Variants in RAPGEF5 observed in about 807,000 individuals in gnomAD.
RAPGEF5 encodes the protein M-Ras-regulated GEF.
In RAPGEF5, 65 loss-of-function variants were observed where a neutral mutation model predicts 125.2. The observed-to-expected ratio is 0.52, with a 90% CI of 0.43 to 0.64. The LOEUF (loss-of-function observed/expected upper bound fraction) is 0.64, where lower values mean the gene tolerates loss of function less well. Ranked by LOEUF, RAPGEF5 falls within the 30% of genes least tolerant of loss-of-function variation. The probability of loss-of-function intolerance (pLI) is 0.00; values close to 1 mark genes in which losing one functional copy is unlikely to be tolerated. For missense variants in RAPGEF5, 958 were observed against 1,048.1 expected (o/e 0.91, Z 1.19); for synonymous variants, 391 against 385.9 (o/e 1.01, Z -0.16).
intron 6 of RAPGEF5, among the ~76,000 whole-genome samples, chr7:22,286,467 C>T (rs188559415): frequency 6.6e-6 from 1 of 152,154 alleles, no homozygotes; most frequent in Non-Finnish European, 1.5e-5. Flanking sequence ...CTACAATTTC[C>T]AACATAAAAA....
At chr7:22,337,110 A>C (rs955220067) in intron 1 of RAPGEF5, among the ~76,000 whole-genome samples, 4 of 152,144 alleles carry the variant, frequency 2.6e-5, no homozygotes, top group Admixed American at 1.3e-4. Flanking sequence ...GCTAAATGGG[A>C]GACTAGAATT....
chr7:22,321,569 C>T (rs1291224273), intron 1 of RAPGEF5, among the ~76,000 whole-genome samples: 1 of 152,192 alleles, frequency 6.6e-6, no homozygotes, highest in African/African-American at 2.4e-5. Flanking sequence ...AAGACTGAAT[C>T]ACTTCAGTCA....
chr7:22,262,374 G>A (rs373058372), intron 7 of RAPGEF5, among the ~76,000 whole-genome samples: 16 of 152,160 alleles, frequency 1.1e-4, no homozygotes, highest in Admixed American at 2.6e-4. Flanking sequence ...ATCACTATAC[G>A]CCTATCAGAA....
intron 7 of RAPGEF5, among the ~76,000 whole-genome samples, chr7:22,235,098 G>C (rs1170483209): frequency 2.0e-5 from 3 of 152,124 alleles, no homozygotes; most frequent in African/African-American, 7.2e-5. Context: ...ACTACAGATA[G>C]AAACTGAGCA....
Position 22,193,974 on chromosome 7 carries a change from C to T in RAPGEF5, c.1056G>A (p.Leu352=). The part of the protein sequence containing the change: ...VKEQDQSVLV[L]KKVQCCGPAP... Reference sequence around the variant, plus strand: ...CTGGGCCACAGCACTGCACTTTCTTCAGCACCAGGACGCTCTGGTCTTGCT... The same window carrying T: ...CTGGGCCACAGCACTGCACTTTCTTTAGCACCAGGACGCTCTGGTCTTGCT... Residue 352 remains leucine (L), a synonymous_variant, in exon 10 of 26, where the codon CTG becomes CTA. Coordinates refer to ENST00000665637, the MANE Select transcript of RAPGEF5 (RefSeq NM_012294.5). 1.2e-6 allele frequency: 2 copies of T among 1,613,958 alleles called. No homozygotes were observed. The highest frequency in any genetic ancestry group is 1.7e-6 in the Non-Finnish European group (2 of 1,179,870).
In RAPGEF5 at chr7:22,309,952, C is replaced by T. The variant is rs1200219898; in HGVS notation, c.511+17G>A. 1.3e-6 allele frequency: 2 copies of T among 1,555,996 alleles called. No individual in the cohort carries two copies. The highest frequency in any genetic ancestry group is 2.5e-5 in the South Asian group (2 of 80,192). On this transcript the variant is annotated intron_variant, in intron 4 of 25. Transcript: ENST00000665637. ...TAATAAAATAATGATGCTGTGCCTT[C>T]AAGACATAATACTAACCTGATAACA...
chr7:22,200,673 C>T (rs1308903452), intron 9 of RAPGEF5, among the ~76,000 whole-genome samples: 1 of 151,998 alleles, frequency 6.6e-6, no homozygotes, highest in East Asian at 1.9e-4. Context: ...CAACAGAAAA[C>T]CAATATGCAT....
At chr7:22,325,912 C>G (rs1383638165) in intron 1 of RAPGEF5, among the ~76,000 whole-genome samples, 2 of 152,166 alleles carry the variant, frequency 1.3e-5, no homozygotes, top group East Asian at 1.9e-4. Flanking sequence ...TAATGATCCA[C>G]TTGAATACCA....
chr7:22,130,477 C>T (rs890170261), intron 24 of RAPGEF5, among the ~76,000 whole-genome samples: 1 of 152,138 alleles, frequency 6.6e-6, no homozygotes, highest in Admixed American at 6.5e-5. Flanking sequence ...CCGCTCTGGC[C>T]GTGGTGCTCA....
intron 24 of RAPGEF5, among the ~76,000 whole-genome samples, chr7:22,130,105 C>T (rs1414998357): frequency 6.6e-6 from 1 of 152,180 alleles, no homozygotes; most frequent in East Asian, 1.9e-4. Context: ...TCACACAAAT[C>T]CATCACCATT....
chr7:22,125,264 C>G (rs1004061758), intron 25 of RAPGEF5: 4 of 224,174 alleles, frequency 1.8e-5, no homozygotes, highest in African/African-American at 9.2e-5. Flanking sequence ...GCTAAACTCA[C>G]CAGTGATTTT....
chr7:22,226,497 T>A lies in RAPGEF5; in HGVS notation c.870+4349A>T, dbSNP rs1227144620. Among the ~76,000 whole-genome samples the A allele has an allele frequency of 2.6e-5, 4 of 152,160 alleles. No individual in the cohort carries two copies. The East Asian group carries it at 7.7e-4, about 29-fold the overall frequency. On this transcript the variant is annotated intron_variant, in intron 8 of 25. Coordinates refer to ENST00000665637, the MANE Select transcript of RAPGEF5 (RefSeq NM_012294.5). ...ATAATAATTTTAGGGCAACAAATAT[T>A]CATTTTCTCAAATTTCTTCAGAGAA...
intron 1 of RAPGEF5, among the ~76,000 whole-genome samples, chr7:22,354,268 C>G (rs1784381576): frequency 6.6e-6 from 1 of 152,146 alleles, no homozygotes; most frequent in African/African-American, 2.4e-5. Flanking sequence ...GAAAACTCAA[C>G]TAACTCATGT....
intron 6 of RAPGEF5, among the ~76,000 whole-genome samples, chr7:22,284,248 G>A (rs567685179): frequency 4.1e-4 from 63 of 152,192 alleles, no homozygotes; most frequent in African/African-American, 1.5e-3. Context: ...GGTTTGTGAC[G>A]TGTTACTCTG....
chr7:22,333,153 A>G (rs1046188175), intron 1 of RAPGEF5, among the ~76,000 whole-genome samples: 13 of 152,206 alleles, frequency 8.5e-5, no homozygotes, highest in African/African-American at 3.1e-4. Context: ...TTAAACTGTC[A>G]CGAAAAAAAC....
intron 1 of RAPGEF5, among the ~76,000 whole-genome samples, chr7:22,349,445 G>C (rs1442560797): frequency 6.7e-6 from 1 of 150,016 alleles, no homozygotes; most frequent in South Asian, 2.1e-4. Context: ...AAAAAAAAGG[G>C]TGACTATAAT....
intron 9 of RAPGEF5, among the ~76,000 whole-genome samples, chr7:22,209,265 A>G (rs1422271937): frequency 6.6e-6 from 1 of 152,176 alleles, no homozygotes; most frequent in Non-Finnish European, 1.5e-5. Context: ...TTTGTTCCAA[A>G]GTTTCTTTTC....
rs147967115 is a variant in RAPGEF5 at position 22,134,188 on chromosome 7, T to C, written c.2416+1850A>G. ...AAAATGTCTCATCTTAGGCATAATA[T>C]ACATGTTTTATATTTTCATCACATT... On this transcript the variant is annotated intron_variant, in intron 23 of 25. Transcript: ENST00000665637. Among the ~76,000 whole-genome samples the C allele has an allele frequency of 6.3e-4, 96 of 152,328 alleles. No individual in the cohort carries two copies. The Middle Eastern group carries it at 0.01, about 16-fold the overall frequency.
intron 8 of RAPGEF5, among the ~76,000 whole-genome samples, chr7:22,222,114 G>A (rs1006156747): frequency 6.6e-6 from 1 of 152,084 alleles, no homozygotes; most frequent in African/African-American, 2.4e-5. Flanking sequence ...CGGGCGTGGT[G>A]GTGTGCACTG....
Sources: gnomAD v4.1 joint callset for allele counts (sites outside exome capture counted in the v4.1 genomes callset) on GRCh38, gnomAD v4.1.1 for gene constraint, MANE v1.5 for transcripts, NCBI Gene and HGNC (gene_info 2026-07-23, HGNC 2026-07-21) for gene names.